The following GALNT7 variants were observed in gnomAD, a reference collection of about 807,000 sequenced individuals.
GALNT7 encodes the protein polypeptide N-acetylgalactosaminyltransferase 7, also known as N-acetylgalactosaminyltransferase 7.
Under a neutral mutation model 82.1 loss-of-function variants are expected in GALNT7, and 60 were observed. That is an observed-to-expected ratio of 0.73 (90% CI 0.59 to 0.91). The LOEUF (loss-of-function observed/expected upper bound fraction) is 0.91. GALNT7 is among the 40% of genes least tolerant of loss of function. GALNT7 has a pLI of 0.00. For synonymous variants in GALNT7, 243 were observed against 275.1 expected (o/e 0.88, Z 1.15); for missense variants, 660 against 804.2 (o/e 0.82, Z 2.17).
Position 173,173,738 on chromosome 4 carries a change from T to C in GALNT7, c.126+4777T>C, listed in dbSNP as rs140767054. On this transcript the variant is annotated intron_variant, in intron 1 of 11. Coordinates refer to ENST00000265000, the MANE Select transcript of GALNT7 (RefSeq NM_017423.3). ...AGCTGTGTGTAAACTAATGACTCTC[T>C]GGATATGCAAATGCAACTTTAGTCA... Among the ~76,000 whole-genome samples, 66 of 152,334 alleles carry C rather than the reference T, an allele frequency of 4.3e-4. No individual in the cohort carries two copies. The East Asian group carries it at 0.011, about 26-fold the overall frequency.
intron 2 of GALNT7, among the ~76,000 whole-genome samples, chr4:173,253,959 A>G (rs760118808): frequency 6.6e-6 from 1 of 152,196 alleles, no homozygotes; most frequent in Non-Finnish European, 1.5e-5. Context: ...TTTCTGCCCA[A>G]CAAAGCAGAC....
At chr4:173,238,720 T>C (rs184701485) in intron 1 of GALNT7, among the ~76,000 whole-genome samples, 2 of 152,360 alleles carry the variant, frequency 1.3e-5, no homozygotes, top group African/African-American at 2.4e-5. Context: ...TTAAAACCTG[T>C]AATGCATATT....
rs114000803 is a variant in GALNT7, at chr4:173,258,474, G to T, written c.587+10034G>T. Among the ~76,000 whole-genome samples the T allele has an allele frequency of 3.2e-3, 495 of 152,310 alleles. 2 individuals carry two copies. The highest frequency in any genetic ancestry group is 0.011 in the African/African-American group (466 of 41,546). On this transcript the variant is annotated intron_variant, in intron 2 of 11. Transcript: ENST00000265000. The stretch of plus-strand genomic sequence containing the variant: ...CCACTTCCACATAATTAACTCTGTT[G>T]CTGTGACTGCTGCTTTTCTTATCTC...
chr4:173,273,002 A>C (rs1735784243), intron 2 of GALNT7, among the ~76,000 whole-genome samples: 1 of 152,216 alleles, frequency 6.6e-6, no homozygotes, highest in Non-Finnish European at 1.5e-5. Context: ...CTGTCTTGCA[A>C]CCAATCCTGT....
chr4:173,242,955 T>C (rs980851591), intron 1 of GALNT7, among the ~76,000 whole-genome samples: 1 of 152,224 alleles, frequency 6.6e-6, no homozygotes, highest in Non-Finnish European at 1.5e-5. Context: ...GAATGAAGTT[T>C]GGCTTGTTAT....
intron 9 of GALNT7, chr4:173,316,844 A>T (rs1046205740): frequency 9.2e-5 from 14 of 152,266 alleles, no homozygotes; most frequent in African/African-American, 3.1e-4. Flanking sequence ...TCCTCCAGGC[A>T]GGGTGAGCAG....
chr4:173,170,925 A>G (rs1360318529), intron 1 of GALNT7, among the ~76,000 whole-genome samples: 2 of 152,230 alleles, frequency 1.3e-5, no homozygotes, highest in Non-Finnish European at 2.9e-5. Flanking sequence ...TTTCAGTACT[A>G]TATGGTGATG....
At chr4:173,275,527 T>A (rs1735872293) in intron 2 of GALNT7, among the ~76,000 whole-genome samples, 1 of 152,164 alleles carries the variant, frequency 6.6e-6, no homozygotes, top group African/African-American at 2.4e-5. Context: ...AGGCCACAAG[T>A]GGTCTGGCAG....
At chr4:173,290,212 C>G (rs1318823615) in intron 2 of GALNT7, among the ~76,000 whole-genome samples, 2 of 151,914 alleles carry the variant, frequency 1.3e-5, no homozygotes, top group Non-Finnish European at 2.9e-5. Flanking sequence ...AACAGAAATG[C>G]CCATCAATAA....
chr4:173,189,486 A>G (rs1732559242), intron 1 of GALNT7, among the ~76,000 whole-genome samples: 1 of 152,254 alleles, frequency 6.6e-6, no homozygotes, highest in South Asian at 2.1e-4. Flanking sequence ...AACTCATTTC[A>G]TATCATGGAA....
chr4:173,174,214 G>T lies in GALNT7; in HGVS notation c.126+5253G>T, dbSNP rs537479533. ...ACATCACCAAGTCTGAGAAGTCTGG[G>T]GTTTATAGACTTCCTGAAATTAATG... On this transcript the variant is annotated intron_variant, in intron 1 of 11. Transcript: ENST00000265000. Among the ~76,000 whole-genome samples, 3 of 152,072 alleles carry T rather than the reference G, an allele frequency of 2.0e-5. No homozygotes were observed. In the East Asian group the frequency reaches 5.8e-4, roughly 29 times the overall value.
intron 1 of GALNT7, among the ~76,000 whole-genome samples, chr4:173,236,679 C>G (rs1020945700): frequency 6.6e-6 from 1 of 152,190 alleles, no homozygotes; most frequent in Non-Finnish European, 1.5e-5. Context: ...CATGCCCCAC[C>G]TTACATCCCC....
chr4:173,250,036 A>C (rs1734794105), intron 2 of GALNT7, among the ~76,000 whole-genome samples: 1 of 152,176 alleles, frequency 6.6e-6, no homozygotes, highest in African/African-American at 2.4e-5. Flanking sequence ...GTATAAAGTT[A>C]TTGAATTCTC....
intron 1 of GALNT7, among the ~76,000 whole-genome samples, chr4:173,176,914 G>T (rs1172065052): frequency 6.6e-6 from 1 of 152,152 alleles, no homozygotes; most frequent in Non-Finnish European, 1.5e-5. Flanking sequence ...AGTGAGGAGA[G>T]AATTATGTCC....
At chr4:173,200,472 G>T (rs958306420) in intron 1 of GALNT7, among the ~76,000 whole-genome samples, 1 of 151,384 alleles carries the variant, frequency 6.6e-6, no homozygotes, top group Admixed American at 6.6e-5. Flanking sequence ...AGAATATCTC[G>T]CTTTACATAT....
chr4:173,261,816 C>A (rs2126767279), intron 2 of GALNT7, among the ~76,000 whole-genome samples: 1 of 151,582 alleles, frequency 6.6e-6, no homozygotes, highest in East Asian at 1.9e-4. Flanking sequence ...CAGACTCAGT[C>A]TCAAAAAAAA....
intron 8 of GALNT7, among the ~76,000 whole-genome samples, chr4:173,304,358 C>T (rs1737066353): frequency 6.6e-6 from 1 of 151,548 alleles, no homozygotes; most frequent in Non-Finnish European, 1.5e-5. Context: ...ATGATTGCAC[C>T]ACTGCACTCC....
chr4:173,238,015 G>A (rs1487079288), intron 1 of GALNT7, among the ~76,000 whole-genome samples: 2 of 151,980 alleles, frequency 1.3e-5, no homozygotes, highest in African/African-American at 4.8e-5. Flanking sequence ...GAAATGCTGT[G>A]GTTATTCTTT....
In GALNT7 at chr4:173,189,880, C is replaced by T. The variant is rs914957554; in HGVS notation, c.126+20919C>T. On this transcript the variant is annotated intron_variant, in intron 1 of 11. Coordinates refer to ENST00000265000, the MANE Select transcript of GALNT7 (RefSeq NM_017423.3). ...ATACATGAAGGCTGAACAATAGATT[C>T]AACTCTCAGTTGATTCTGTTGACTC... 2.0e-5 allele frequency among the ~76,000 whole-genome samples: 3 copies of T among 152,162 alleles called. No homozygotes were observed. The South Asian group carries it at 6.2e-4, about 32-fold the overall frequency.
Sources: allele counts gnomAD v4.1 joint callset (sites outside exome capture counted in the v4.1 genomes callset), GRCh38; gene constraint gnomAD v4.1.1; transcripts MANE v1.5; gene names NCBI Gene and HGNC (gene_info 2026-07-23, HGNC 2026-07-21).